DGKI: variants seen among roughly 807,000 people sequenced by gnomAD.
The protein encoded by DGKI is DAG kinase iota.
DGKI carries 55 observed loss-of-function variants against 147.5 expected under a neutral mutation model. The ratio of observed to expected loss-of-function variants is 0.37; its 90% CI spans 0.30 to 0.47. DGKI has a LOEUF of 0.47. Among genes scored for constraint, DGKI ranks in the 20% least tolerant of loss-of-function variants. DGKI has a pLI of 1.00. For synonymous variants in DGKI, 469 were observed against 477.1 expected (o/e 0.98, Z 0.22); for missense variants, 1,007 against 1,323.8 (o/e 0.76, Z 3.71).
At chr7:137,728,712 C>T (rs1409196222) in intron 1 of DGKI, among the ~76,000 whole-genome samples, 3 of 152,112 alleles carry the variant, frequency 2.0e-5, no homozygotes, top group Non-Finnish European at 4.4e-5. Flanking sequence ...AGCTTTTCCC[C>T]CCATGGTTTC....
chr7:137,495,088 T>C (rs1463612601), intron 21 of DGKI, among the ~76,000 whole-genome samples: 1 of 150,882 alleles, frequency 6.6e-6, no homozygotes, highest in Non-Finnish European at 1.5e-5. Context: ...AGAGAGAAGA[T>C]CCAAATAAAC....
chr7:137,637,744 C>T (rs1278626264), intron 6 of DGKI, among the ~76,000 whole-genome samples: 3 of 152,228 alleles, frequency 2.0e-5, no homozygotes, highest in Non-Finnish European at 2.9e-5. Context: ...TGGCTTTGCT[C>T]ATCACTGTGG....
rs1798751672 is a variant in DGKI, at chr7:137,846,756, G to T, written c.107C>A (p.Pro36His). The stretch of plus-strand genomic sequence containing the variant: ...GGGAGCGCAGGCGGCGCCGCTGCAG[G>T]GGCCGGGCGGGCTGGCGGCGGCGGC... ...AAAAAASPPG[P>H]CSGAACAPSA... is the part of the protein sequence containing the mutation. Residue 36 changes from proline to histidine, a missense_variant, in exon 1 of 33, where the codon CCC (proline) becomes CAC (histidine). Pro to His is a moderately conservative substitution (Grantham distance 77). This residue lies in a region of DGKI where 137 missense variants were observed against 114.4 expected (regional missense o/e 1.20). Coordinates refer to ENST00000614521, the MANE Select transcript of DGKI (RefSeq NM_001321708.2). This position sits in a 1 kb window ranked among gnomAD's most constrained non-coding sequence, Gnocchi z 4.0. 3.9e-6 allele frequency: 4 copies of T among 1,023,800 alleles called. No individual in the cohort carries two copies. The highest frequency in any genetic ancestry group is 4.7e-6 in the Non-Finnish European group (4 of 857,094). 63.4% of individuals were successfully genotyped at this position (1,023,800 alleles called of 1,614,324 possible). A position where few individuals can be genotyped will look rare whatever the true frequency, so the allele number is the denominator to read the frequency against.
chr7:137,507,929 GT>G (rs754258096), intron 21 of DGKI, among the ~76,000 whole-genome samples: 19 of 152,124 alleles, frequency 1.2e-4, no homozygotes, highest in East Asian at 7.7e-4. Context: ...AGGAACAAGA[GT>G]TTTTGAGACA....
intron 1 of DGKI, among the ~76,000 whole-genome samples, chr7:137,702,057 G>A (rs190063623): frequency 2.8e-4 from 43 of 152,216 alleles, no homozygotes; most frequent in Admixed American, 1.4e-3. Context: ...TGGAGAGAAG[G>A]TCTTTTCAAG....
intron 1 of DGKI, among the ~76,000 whole-genome samples, chr7:137,718,116 C>G (rs983081014): frequency 3.9e-5 from 6 of 152,086 alleles, no homozygotes; most frequent in African/African-American, 7.2e-5. Context: ...AAACAAAAAC[C>G]AGCCGGGTGG....
chr7:137,646,470 G>A (rs1306561475), intron 5 of DGKI, among the ~76,000 whole-genome samples: 2 of 152,164 alleles, frequency 1.3e-5, no homozygotes, highest in African/African-American at 4.8e-5. Flanking sequence ...TTCCTCCCAA[G>A]TAGACAAGCA....
At chr7:137,588,714 G>C (rs1480831407) in intron 12 of DGKI, among the ~76,000 whole-genome samples, 1 of 152,094 alleles carries the variant, frequency 6.6e-6, no homozygotes, top group African/African-American at 2.4e-5. Context: ...CTGACCTTGT[G>C]ATCTGCCCAC....
chr7:137,488,355 C>T (rs1012853020), intron 21 of DGKI, among the ~76,000 whole-genome samples: 1 of 152,076 alleles, frequency 6.6e-6, no homozygotes, highest in Admixed American at 6.6e-5. Flanking sequence ...AGAGTGGTAA[C>T]AGTAGGACCT....
At chr7:137,434,669 T>C (rs1369011116) in intron 28 of DGKI, among the ~76,000 whole-genome samples, 3 of 152,016 alleles carry the variant, frequency 2.0e-5, no homozygotes, top group Non-Finnish European at 4.4e-5. Context: ...TAGATAATTA[T>C]CACCAACAAA....
intron 1 of DGKI, among the ~76,000 whole-genome samples, chr7:137,752,826 C>A (rs1489254988): frequency 6.6e-6 from 1 of 152,138 alleles, no homozygotes; most frequent in Non-Finnish European, 1.5e-5. Flanking sequence ...GAATAAAGCC[C>A]TTCCTTCTTT....
At chr7:137,738,330 C>T (rs1357873636) in intron 1 of DGKI, among the ~76,000 whole-genome samples, 1 of 151,962 alleles carries the variant, frequency 6.6e-6, no homozygotes, top group Non-Finnish European at 1.5e-5. Flanking sequence ...TAAATACATA[C>T]CTCTACACAA....
rs150985135 is a variant in DGKI at position 137,734,487 on chromosome 7, G to A, written c.402-44485C>T. Among the ~76,000 whole-genome samples the A allele has an allele frequency of 3.3e-3, 501 of 152,032 alleles. 3 individuals are homozygous for A. Among genetic ancestry groups the A allele is most frequent in the African/African-American group, 0.012 (480 of 41,484 alleles). Reference sequence around the variant, plus strand: ...TCAGTTTCTGACGTGTGTGCTCTTCGTCATATCTTTTAGAGTGCTTCCACT... The same window carrying A: ...TCAGTTTCTGACGTGTGTGCTCTTCATCATATCTTTTAGAGTGCTTCCACT... On this transcript the variant is annotated intron_variant, in intron 1 of 32. Transcript: ENST00000614521.
At chr7:137,673,214 C>T (rs1038413349) in intron 3 of DGKI, among the ~76,000 whole-genome samples, 1 of 152,142 alleles carries the variant, frequency 6.6e-6, no homozygotes, top group East Asian at 1.9e-4. Context: ...TACTGAAGTC[C>T]TGAGGCGTCA....
intron 1 of DGKI, among the ~76,000 whole-genome samples, chr7:137,777,149 G>A (rs537245275): frequency 1.3e-5 from 2 of 152,250 alleles, no homozygotes; most frequent in South Asian, 4.2e-4. Flanking sequence ...TTATGATCAT[G>A]CCACTGAGCT....
At chr7:137,487,234 G>T (rs1056833378) in intron 22 of DGKI, among the ~76,000 whole-genome samples, 2 of 152,048 alleles carry the variant, frequency 1.3e-5, no homozygotes, top group Non-Finnish European at 2.9e-5. Flanking sequence ...AAATCTAGCT[G>T]TCTCTGACAT....
chr7:137,458,584 C>T (rs1814297574), intron 27 of DGKI, among the ~76,000 whole-genome samples: 1 of 152,168 alleles, frequency 6.6e-6, no homozygotes, highest in Non-Finnish European at 1.5e-5. Context: ...CCTGCCTGCT[C>T]TTAACCCACC....
intron 3 of DGKI, among the ~76,000 whole-genome samples, chr7:137,658,256 C>A (rs1432431930): frequency 1.3e-5 from 2 of 152,102 alleles, no homozygotes; most frequent in African/African-American, 4.8e-5. Flanking sequence ...AAAGGACAAT[C>A]AAAAAATTCT....
rs139671445 is a variant in DGKI at position 137,697,062 on chromosome 7, A to C, written c.402-7060T>G. 1.2e-4 allele frequency among the ~76,000 whole-genome samples: 19 copies of C among 152,300 alleles called. 1 individual carries two copies. The highest frequency in any genetic ancestry group is 4.6e-4 in the African/African-American group (19 of 41,566). ...ATTCTCCCTCACAGCCCTCAGAGAG[A>C]ACCAACCCTGCCGACATTTTGATCA... On this transcript the variant is annotated intron_variant, in intron 1 of 32. Transcript: ENST00000614521.
Sources: gnomAD v4.1 joint callset for allele counts (sites outside exome capture counted in the v4.1 genomes callset) on GRCh38, gnomAD v4.1.1 for gene constraint, gnomAD v4.1.1 regional missense constraint, Gnocchi (gnomAD v3.1) non-coding constraint, MANE v1.5 for transcripts, NCBI Gene and HGNC (gene_info 2026-07-23, HGNC 2026-07-21) for gene names.